The following NAALADL2 variants were observed in gnomAD, a reference collection of about 807,000 sequenced individuals.
The protein encoded by NAALADL2 is inactive N-acetylated-alpha-linked acidic dipeptidase-like protein 2.
Under a neutral mutation model 87.2 loss-of-function variants are expected in NAALADL2, and 76 were observed. The observed-to-expected ratio is 0.87, with a 90% CI of 0.72 to 1.05. The LOEUF is 1.05. Among genes scored for constraint, NAALADL2 ranks in the 50% least tolerant of loss-of-function variants. NAALADL2 has a pLI of 0.00. For missense variants in NAALADL2, 1,089 were observed against 945.8 expected (o/e 1.15, Z -1.99); for synonymous variants, 354 against 331.0 (o/e 1.07, Z -0.75).
At chr3:175,103,257 TG>T (rs1315641197) in intron 2 of NAALADL2, among the ~76,000 whole-genome samples, 1 of 152,182 alleles carries the variant, frequency 6.6e-6, no homozygotes, top group African/African-American at 2.4e-5. Flanking sequence ...AAGTCTCGTT[TG>T]TTTTCTGTTC....
intron 3 of NAALADL2, among the ~76,000 whole-genome samples, chr3:174,803,789 G>A (rs1052962510): frequency 1.3e-5 from 2 of 152,096 alleles, no homozygotes; most frequent in Admixed American, 6.6e-5. Context: ...TAGATGTGTG[G>A]TGTTATTTCT....
intron 1 of NAALADL2, among the ~76,000 whole-genome samples, chr3:174,926,375 G>T (rs550387025): frequency 1.3e-5 from 2 of 152,104 alleles, no homozygotes; most frequent in East Asian, 3.9e-4. Context: ...GATACTCCTC[G>T]AGAAGAGCAA....
At chr3:174,680,832 A>G (rs1256941837) in intron 2 of NAALADL2, among the ~76,000 whole-genome samples, 1 of 152,214 alleles carries the variant, frequency 6.6e-6, no homozygotes, top group African/African-American at 2.4e-5. Flanking sequence ...ACCAAATTTA[A>G]TAACTATACA....
intron 13 of NAALADL2, among the ~76,000 whole-genome samples, chr3:175,785,905 G>A (rs1467348630): frequency 0.06 from 8,932 of 148,286 alleles, 959 homozygotes; most frequent in African/African-American, 0.22. Flanking sequence ...GCCTGGTGGT[G>A]ACAAAATCTC....
In NAALADL2 at chr3:175,365,375, A is replaced by C. The variant is rs1039157939; in HGVS notation, c.1090+41050A>C. On this transcript the variant is annotated intron_variant, in intron 5 of 13. Transcript: ENST00000454872. ...ATTTTTGCAAAAATCTATTTAGATA[A>C]TATTATTATCCTCATTTTACAGCAG... Among the ~76,000 whole-genome samples, 2 of 147,300 alleles carry C rather than the reference A, an allele frequency of 1.4e-5. 1 individual carries two copies. The highest frequency in any genetic ancestry group is 4.9e-5 in the African/African-American group (2 of 40,588).
In NAALADL2 at chr3:175,130,677, A is replaced by G. The variant is rs370470440; in HGVS notation, c.545+33386A>G. On this transcript the variant is annotated intron_variant, in intron 2 of 13. Transcript: ENST00000454872. The stretch of plus-strand genomic sequence containing the variant: ...CAGGAGGCCATTGAGAGGGTCAGAT[A>G]GAATTATGTATTTGTTTCTCTTTAA... Among the ~76,000 whole-genome samples, 30 of 152,346 alleles carry G rather than the reference A, an allele frequency of 2.0e-4. No individual in the cohort carries two copies. In the East Asian group the frequency reaches 5.6e-3, roughly 28 times the overall value.
chr3:174,787,610 T>TACAC (rs1578930829), intron 3 of NAALADL2, among the ~76,000 whole-genome samples: 5 of 111,852 alleles, frequency 4.5e-5, no homozygotes, highest in African/African-American at 9.1e-5. Context: ...TATATATATA[T>TACAC]ATATATATAT....
chr3:174,799,377 C>T lies in NAALADL2; in HGVS notation c.-9+61631C>T, dbSNP rs148848266. Among the ~76,000 whole-genome samples, 955 of 152,100 alleles carry T rather than the reference C, an allele frequency of 6.3e-3. 9 individuals are homozygous for T. The highest frequency in any genetic ancestry group is 0.024 in the Middle Eastern group (7 of 294). On this transcript the variant is annotated intron_variant, in intron 3 of 3. Coordinates refer to the NAALADL2 transcript ENST00000434257. ...GGGACTTGGTGGGAGGTAACTGAATCATGGGAGAAGGTCTTTCTCGTGCTG... is the reference window on the plus strand; with the variant it reads ...GGGACTTGGTGGGAGGTAACTGAATTATGGGAGAAGGTCTTTCTCGTGCTG...
At chr3:175,082,542 A>G (rs2109254253) in intron 1 of NAALADL2, among the ~76,000 whole-genome samples, 1 of 152,344 alleles carries the variant, frequency 6.6e-6, no homozygotes, top group East Asian at 1.9e-4. Context: ...ATTCCAATAC[A>G]GGAGGAAGGC....
At chr3:174,756,263 G>A (rs1468670360) in intron 3 of NAALADL2, among the ~76,000 whole-genome samples, 3 of 152,180 alleles carry the variant, frequency 2.0e-5, no homozygotes, top group Admixed American at 6.5e-5. Context: ...TGAATAGGAT[G>A]TGAAATTTTC....
intron 1 of NAALADL2, among the ~76,000 whole-genome samples, chr3:174,508,114 G>GTTTTTTTTTTTTTTTTTTT (rs1311325384): frequency 3.9e-5 from 4 of 103,882 alleles, no homozygotes; most frequent in African/African-American, 1.1e-4. Context: ...ATATCTAGTG[G>GTTTTTTTTTTTTTTTTTTT]TTTTTTTTTT....
intron 1 of NAALADL2, among the ~76,000 whole-genome samples, chr3:174,962,100 G>A (rs1742096846): frequency 6.6e-6 from 1 of 151,664 alleles, no homozygotes; most frequent in African/African-American, 2.4e-5. Context: ...GAAGCCAATA[G>A]CCATGTCATG....
At chr3:175,701,376 T>A (rs1435102030) in intron 11 of NAALADL2, among the ~76,000 whole-genome samples, 3 of 152,182 alleles carry the variant, frequency 2.0e-5, no homozygotes, top group Non-Finnish European at 4.4e-5. Context: ...TAACTGATCA[T>A]TGCAGATTGT....
intron 10 of NAALADL2, among the ~76,000 whole-genome samples, chr3:175,612,489 G>T (rs1313695059): frequency 1.3e-5 from 2 of 152,086 alleles, no homozygotes; most frequent in African/African-American, 2.4e-5. Flanking sequence ...ACCTTGAAGG[G>T]CTATAATATC....
At chr3:175,065,133 G>A (rs1356940677) in intron 1 of NAALADL2, among the ~76,000 whole-genome samples, 1 of 152,110 alleles carries the variant, frequency 6.6e-6, no homozygotes, top group Non-Finnish European at 1.5e-5. Context: ...TGACTTTGAT[G>A]TCAGAGCTGA....
At chr3:175,765,013 A>G (rs2150158878) in intron 13 of NAALADL2, among the ~76,000 whole-genome samples, 1 of 152,086 alleles carries the variant, frequency 6.6e-6, no homozygotes, top group South Asian at 2.1e-4. Flanking sequence ...AAATCCCACC[A>G]TTGTTTTTCT....
chr3:175,737,003 A>G (rs962441954), intron 11 of NAALADL2, among the ~76,000 whole-genome samples: 2 of 152,180 alleles, frequency 1.3e-5, no homozygotes, highest in African/African-American at 4.8e-5. Flanking sequence ...GGAATTATTT[A>G]AAGTCTAAAT....
intron 2 of NAALADL2, among the ~76,000 whole-genome samples, chr3:175,182,823 A>C (rs931448573): frequency 6.6e-6 from 1 of 151,940 alleles, no homozygotes; most frequent in Non-Finnish European, 1.5e-5. Context: ...GACCAATGTC[A>C]TGTAGCTTTT....
rs78127049 is a variant in NAALADL2 at position 175,613,872 on chromosome 3, T to A, written c.1801-13419T>A. ...CATAATACATAAAATATTTTTTCAA[T>A]TCATGTTATAGAATACAAGGATTGA... is the stretch of plus-strand genomic sequence containing the variant. On this transcript the variant is annotated intron_variant, in intron 10 of 13. Transcript: ENST00000454872. 1.1e-3 allele frequency among the ~76,000 whole-genome samples: 175 copies of A among 152,332 alleles called. 1 individual carries two copies. The highest frequency in any genetic ancestry group is 3.9e-3 in the African/African-American group (164 of 41,590).
Sources: allele counts gnomAD v4.1 joint callset (sites outside exome capture counted in the v4.1 genomes callset), GRCh38; gene constraint gnomAD v4.1.1; transcripts MANE v1.5; gene names NCBI Gene and HGNC (gene_info 2026-07-23, HGNC 2026-07-21).